USH2A: variants seen among roughly 807,000 people sequenced by gnomAD.
The protein encoded by USH2A is usherin, also known as Usher syndrome 2A (autosomal recessive, mild).
A neutral mutation model predicts 538.9 loss-of-function variants in USH2A; 443 were observed. The ratio of observed to expected loss-of-function variants is 0.82; its 90% CI spans 0.76 to 0.89. USH2A has a LOEUF of 0.89. USH2A is among the 40% of genes least tolerant of loss of function. The pLI, the probability that USH2A is intolerant of heterozygous loss-of-function variation, is 0.00. For synonymous variants in USH2A, 2,413 were observed against 2,273.5 expected (o/e 1.06, Z -1.75); for missense variants, 6,633 against 6,324.8 (o/e 1.05, Z -1.65).
intron 2 of USH2A, among the ~76,000 whole-genome samples, chr1:216,421,341 T>C (rs2039672826): frequency 6.6e-6 from 1 of 152,154 alleles, no homozygotes; most frequent in Non-Finnish European, 1.5e-5. Flanking sequence ...ATATATTCAA[T>C]TTATATTACT....
intron 11 of USH2A, among the ~76,000 whole-genome samples, chr1:216,272,916 T>C (rs2036603249): frequency 1.3e-5 from 2 of 152,056 alleles, no homozygotes; most frequent in South Asian, 4.1e-4. Flanking sequence ...CAAAAGAGAC[T>C]CCAGGGGAAT....
intron 30 of USH2A, among the ~76,000 whole-genome samples, chr1:216,063,285 T>A (rs558455176): frequency 1.9e-3 from 282 of 152,304 alleles, no homozygotes; most frequent in Non-Finnish European, 3.2e-3. Flanking sequence ...CTTTATCAGC[T>A]CCTTCCATCT....
At chr1:215,649,807 T>C (rs1454720824) in intron 65 of USH2A, among the ~76,000 whole-genome samples, 2 of 152,206 alleles carry the variant, frequency 1.3e-5, no homozygotes, top group African/African-American at 4.8e-5. Context: ...GAACAAAGTA[T>C]TATAATCTCC....
rs564656511 is a variant in USH2A, at chr1:216,242,379, A to AT, written c.2809+4205_2809+4206insA. Among the ~76,000 whole-genome samples, 1,306 of 150,352 alleles carry AT rather than the reference A, an allele frequency of 8.7e-3. 8 individuals carry two copies. The highest frequency in any genetic ancestry group is 0.016 in the South Asian group (77 of 4,770). ...TCAAAAGAAAAAAAAAGAAAAAAAA[A>AT]ATATATATATATGTATATATAATTC... On this transcript the variant is annotated intron_variant, in intron 13 of 71. Transcript: ENST00000307340.
chr1:216,376,968 A>C (rs975396992), intron 3 of USH2A, among the ~76,000 whole-genome samples: 1 of 152,150 alleles, frequency 6.6e-6, no homozygotes, highest in Admixed American at 6.5e-5. Flanking sequence ...ATAAATAAAT[A>C]ATGTATTAAT....
chr1:215,691,746 C>T (rs892092705), intron 61 of USH2A, among the ~76,000 whole-genome samples: 2 of 152,142 alleles, frequency 1.3e-5, no homozygotes, highest in African/African-American at 4.8e-5. Flanking sequence ...ACCCCAAATG[C>T]CTCTAATTGT....
chr1:216,204,039 T>C (rs982056678), intron 16 of USH2A: 1 of 163,062 alleles, frequency 6.1e-6, no homozygotes, highest in Non-Finnish European at 1.5e-5. Context: ...GGAAAAAGGA[T>C]ATAGTCTCTA....
At position 215,888,704 on chromosome 1, in the gene USH2A, G is replaced by T; in HGVS notation, c.7945C>A (p.His2649Asn). The T allele has an allele frequency of 6.2e-7, 1 of 1,614,148 alleles. No homozygotes were observed. The highest frequency in any genetic ancestry group is 1.1e-5 in the South Asian group (1 of 91,080). The change falls in exon 41 of 72, where the codon CAC becomes AAC. Residue 2649 changes from histidine to asparagine, a missense_variant. His to Asn is a moderately conservative substitution (Grantham distance 68, BLOSUM62 1). Transcript: ENST00000307340. ...AAATTCTCCACCAAGCCATTGGGGT[G>T]GGTAGGGGGTTGCCAAGATATAATC... is the stretch of plus-strand genomic sequence containing the variant. ...SVIISWQPPT[H>N]PNGLVENFTI...
chr1:215,972,733 C>T (rs966683482), intron 35 of USH2A, among the ~76,000 whole-genome samples: 38 of 152,130 alleles, frequency 2.5e-4, no homozygotes, highest in African/African-American at 8.7e-4. Flanking sequence ...CCCTTATTTC[C>T]AAATTTTTGG....
At chr1:216,372,410 A>G (rs553292544) in intron 3 of USH2A, among the ~76,000 whole-genome samples, 2 of 152,240 alleles carry the variant, frequency 1.3e-5, no homozygotes, top group African/African-American at 4.8e-5. Flanking sequence ...GAAGCAATCT[A>G]CAGAAAAAGC....
At chr1:215,729,440 T>C (rs553551802) in intron 60 of USH2A, among the ~76,000 whole-genome samples, 1 of 152,324 alleles carries the variant, frequency 6.6e-6, no homozygotes, top group East Asian at 1.9e-4. Flanking sequence ...CTACATTTAT[T>C]GTACTTATAC....
intron 43 of USH2A, among the ~76,000 whole-genome samples, chr1:215,867,672 A>G (rs1375978174): frequency 6.6e-6 from 1 of 152,172 alleles, no homozygotes; most frequent in Non-Finnish European, 1.5e-5. Flanking sequence ...AGACAGATAA[A>G]CCCCTAAATT....
At position 215,624,979 on chromosome 1, in the gene USH2A, T is replaced by G. The variant is rs943923711; in HGVS notation, c.*802A>C. On this transcript the variant is annotated 3_prime_UTR_variant, in exon 72 of 72. Transcript: ENST00000307340. ...GAATTGACAGAATTTTATGAGAAAC[T>G]AGTTTCAAAACTATAAAATATATGA... is the stretch of plus-strand genomic sequence containing the variant. 3.3e-5 allele frequency: 5 copies of G among 152,194 alleles called. No individual in the cohort carries two copies. Among genetic ancestry groups the G allele is most frequent in the Admixed American group, 1.3e-4 (2 of 15,266 alleles). 9.4% of individuals were successfully genotyped at this position (152,194 alleles called of 1,614,324 possible).
chr1:216,077,257 G>T (rs1407958025), intron 27 of USH2A, among the ~76,000 whole-genome samples: 1 of 152,018 alleles, frequency 6.6e-6, no homozygotes, highest in Admixed American at 6.6e-5. Context: ...AAACGTCTAT[G>T]AGTTAACTTC....
chr1:215,773,500 CTCTCTCTCTCTG>C lies in USH2A; in HGVS notation c.10939+6331_10939+6342del, dbSNP rs1272276068. Among the ~76,000 whole-genome samples, 371 of 146,232 alleles carry C rather than the reference CTCTCTCTCTCTG, an allele frequency of 2.5e-3. 4 individuals are homozygous for C. Among genetic ancestry groups the C allele is most frequent in the African/African-American group, 8.3e-3 (300 of 36,356 alleles). The stretch of plus-strand genomic sequence containing the variant: ...TGTCTCTCTGTCTCTCTGTCTCTCT[CTCTCTCTCTCTG>C]TCTCTCTCTCTCTCTCTCTCTGTCT... On this transcript the variant is annotated intron_variant, in intron 55 of 71. Transcript: ENST00000307340.
intron 43 of USH2A, among the ~76,000 whole-genome samples, chr1:215,876,937 C>T (rs1489275512): frequency 6.6e-6 from 1 of 152,086 alleles, no homozygotes; most frequent in African/African-American, 2.4e-5. Flanking sequence ...ACTACAGCTA[C>T]CCAGTGGTGG....
chr1:215,732,761 T>A (rs1412487012), intron 60 of USH2A, among the ~76,000 whole-genome samples: 1 of 151,860 alleles, frequency 6.6e-6, no homozygotes, highest in East Asian at 1.9e-4. Context: ...CAGGATGGTC[T>A]CGATCTCCTG....
In USH2A at chr1:216,198,372, C is replaced by G. The variant is rs778505422; in HGVS notation, c.4024G>C (p.Val1342Leu). Residue 1342 changes from valine (V) to leucine (L), a missense_variant, in exon 18 of 72, where the codon GTG becomes CTG. Physicochemically the swap from Val to Leu is conservative, Grantham distance 32. Coordinates refer to ENST00000307340, the MANE Select transcript of USH2A (RefSeq NM_206933.4). ...YTKYEFRVLA[V>L]NMAGSVSSAW... ...GAAGACACACTTCCAGCCATATTCA[C>G]AGCTAAGACTCTGAACTCATACTTG... is the stretch of plus-strand genomic sequence containing the variant. The G allele has an allele frequency of 5.6e-6, 9 of 1,613,940 alleles. No homozygotes were observed. In the African/African-American group the frequency reaches 1.1e-4, roughly 19 times the overall value.
At chr1:216,347,359 A>T (rs957110586) in intron 4 of USH2A, among the ~76,000 whole-genome samples, 1 of 152,124 alleles carries the variant, frequency 6.6e-6, no homozygotes, top group Non-Finnish European at 1.5e-5. Context: ...TGAATGACTT[A>T]TGATGACCTG....
Sources: gnomAD v4.1 joint callset for allele counts (sites outside exome capture counted in the v4.1 genomes callset) on GRCh38, gnomAD v4.1.1 for gene constraint, MANE v1.5 for transcripts, NCBI Gene and HGNC (gene_info 2026-07-23, HGNC 2026-07-21) for gene names.